Variants in ULK4 observed in about 807,000 individuals in gnomAD.
ULK4 encodes the protein inactive serine/threonine-protein kinase ULK4.
ULK4 carries 133 observed loss-of-function variants against 160.6 expected under a neutral mutation model. The ratio of observed to expected loss-of-function variants is 0.83; its 90% confidence interval spans 0.72 to 0.96. The LOEUF (loss-of-function observed/expected upper bound fraction) is 0.96, where lower values mean the gene tolerates loss of function less well. Ranked by LOEUF, ULK4 falls within the 40% of genes least tolerant of loss-of-function variation. The probability of loss-of-function intolerance (pLI) is 0.00; values close to 1 mark genes in which losing one functional copy is unlikely to be tolerated. For synonymous variants in ULK4, 534 were observed against 539.8 expected (o/e 0.99, Z 0.15); for missense variants, 1,580 against 1,499.5 (o/e 1.05, Z -0.89).
chr3:41,822,429 G>C (rs1425244159), intron 18 of ULK4, among the ~76,000 whole-genome samples: 1 of 151,988 alleles, frequency 6.6e-6, no homozygotes. Flanking sequence ...GTTTCGTTTT[G>C]TTTTTGATAC....
chr3:41,623,557 TTTGTGACGATAAGGATGAA>T (rs1300367517), intron 30 of ULK4, among the ~76,000 whole-genome samples: 2 of 152,134 alleles, frequency 1.3e-5, no homozygotes, highest in African/African-American at 4.8e-5. Flanking sequence ...GAAACTCTCA[TTTGTGACGATAAGGATGAA>T]TTATCCTAAG....
rs576450599 is a variant in ULK4 at position 41,464,633 on chromosome 3, C to T, written c.3227-1380G>A. 3.9e-5 allele frequency among the ~76,000 whole-genome samples: 6 copies of T among 152,298 alleles called. No individual in the cohort carries two copies. The South Asian group carries it at 1.0e-3, about 26-fold the overall frequency. ...TGAATCAGCACTTGGCATCTGTGAG[C>T]TGTAGATAGAAGGGCTTGAAAACAT... On this transcript the variant is annotated intron_variant, in intron 32 of 36. Coordinates refer to ENST00000301831, the MANE Select transcript of ULK4 (RefSeq NM_017886.4).
chr3:41,606,036 T>C (rs1171978422), intron 31 of ULK4, among the ~76,000 whole-genome samples: 3 of 152,072 alleles, frequency 2.0e-5, no homozygotes, highest in African/African-American at 4.8e-5. Flanking sequence ...TTTGAAATTA[T>C]GTTGAACTAA....
chr3:41,339,864 G>A (rs2080644733), intron 35 of ULK4, among the ~76,000 whole-genome samples: 1 of 152,182 alleles, frequency 6.6e-6, no homozygotes, highest in South Asian at 2.1e-4. Context: ...GGGCAGTAGG[G>A]ATGGTAATGT....
Position 41,802,497 on chromosome 3 carries a change from C to T in ULK4, c.1849-2204G>A, listed in dbSNP as rs74927080. Among the ~76,000 whole-genome samples, 443 of 152,224 alleles carry T rather than the reference C, an allele frequency of 2.9e-3. 15 individuals are homozygous for T. In the East Asian group the frequency reaches 0.075, roughly 26 times the overall value. Reference sequence around the variant, plus strand: ...ATTTTTTAACAGAGATGAGGTCTCACTCTGTTGCCCAGGCTGAACTCGAAC... The same window carrying T: ...ATTTTTTAACAGAGATGAGGTCTCATTCTGTTGCCCAGGCTGAACTCGAAC... On this transcript the variant is annotated intron_variant, in intron 19 of 36. Transcript: ENST00000301831.
At chr3:41,532,154 T>C (rs2086341776) in intron 32 of ULK4, among the ~76,000 whole-genome samples, 1 of 152,234 alleles carries the variant, frequency 6.6e-6, no homozygotes, top group South Asian at 2.1e-4. Context: ...CAAGCTCTGC[T>C]GATTTTTCTT....
At position 41,663,501 on chromosome 3, in the gene ULK4, C is replaced by G; in HGVS notation, c.3071+106G>C. The G allele has an allele frequency of 7.4e-6, 8 of 1,074,374 alleles. No individual in the cohort carries two copies. The South Asian group carries it at 1.1e-4, about 15-fold the overall frequency. 66.6% of individuals were successfully genotyped at this position (1,074,374 alleles called of 1,614,324 possible). ...CTTAAAAAAATGACGATTTTGACAA[C>G]TCAAACATTAGTCTTTTGGAATCTC... On this transcript the variant is annotated intron_variant, in intron 30 of 36. Transcript: ENST00000301831.
At chr3:41,815,710 C>T (rs1001111248) in intron 19 of ULK4, among the ~76,000 whole-genome samples, 3 of 152,150 alleles carry the variant, frequency 2.0e-5, no homozygotes, top group African/African-American at 7.2e-5. Context: ...GTTGTAGGCA[C>T]TGGGGGCTCC....
chr3:41,602,232 A>G (rs1000317797), intron 31 of ULK4, among the ~76,000 whole-genome samples: 9 of 149,534 alleles, frequency 6.0e-5, no homozygotes, highest in African/African-American at 2.0e-4. Context: ...AAGAAAGGAA[A>G]GGAAAGGGAA....
chr3:41,306,129 G>T (rs1413320025), intron 35 of ULK4, among the ~76,000 whole-genome samples: 8 of 33,782 alleles, frequency 2.4e-4, no homozygotes, highest in African/African-American at 1.0e-3. Flanking sequence ...GGAGGGAGGT[G>T]GGGGGGGGGG....
intron 16 of ULK4, among the ~76,000 whole-genome samples, chr3:41,888,124 T>A (rs1697794690): frequency 2.0e-5 from 3 of 151,422 alleles, no homozygotes; most frequent in African/African-American, 7.3e-5. Flanking sequence ...AAAATAATAA[T>A]AAAATAAATA....
At chr3:41,338,102 C>T (rs149950355) in intron 35 of ULK4, among the ~76,000 whole-genome samples, 184 of 152,322 alleles carry the variant, frequency 1.2e-3, no homozygotes, top group African/African-American at 4.2e-3. Flanking sequence ...GCAAAGAGAG[C>T]CTTTCAGAGA....
chr3:41,953,575 T>A (rs1700375195), intron 2 of ULK4, among the ~76,000 whole-genome samples: 1 of 151,450 alleles, frequency 6.6e-6, no homozygotes, highest in Non-Finnish European at 1.5e-5. Context: ...AGCTTAAAAA[T>A]ATATATATTT....
At chr3:41,366,160 C>A (rs139471800) in intron 35 of ULK4, among the ~76,000 whole-genome samples, 36 of 152,288 alleles carry the variant, frequency 2.4e-4, no homozygotes, top group Non-Finnish European at 4.3e-4. Context: ...CTCCCCATAG[C>A]AGACAGCCCT....
chr3:41,438,515 T>C (rs1017591476), intron 34 of ULK4, among the ~76,000 whole-genome samples: 4 of 152,046 alleles, frequency 2.6e-5, no homozygotes, highest in African/African-American at 9.7e-5. Flanking sequence ...TCCCCATGGG[T>C]CAGGAATGGA....
At chr3:41,267,023 G>C (rs1016840738) in intron 35 of ULK4, among the ~76,000 whole-genome samples, 7 of 144,838 alleles carry the variant, frequency 4.8e-5, no homozygotes, top group African/African-American at 1.3e-4. Flanking sequence ...TCTATTGGGG[G>C]GGGGGGGTTT....
At chr3:41,654,229 G>C (rs1458276952) in intron 30 of ULK4, among the ~76,000 whole-genome samples, 1 of 152,148 alleles carries the variant, frequency 6.6e-6, no homozygotes, top group Non-Finnish European at 1.5e-5. Flanking sequence ...ATAAATTGTG[G>C]ATTTCTCTAG....
intron 21 of ULK4, among the ~76,000 whole-genome samples, chr3:41,757,916 C>T (rs1414470532): frequency 6.6e-6 from 1 of 152,076 alleles, no homozygotes; most frequent in Admixed American, 6.5e-5. Flanking sequence ...CGTGAGCCAC[C>T]ATGCCTGGCC....
At chr3:41,867,059 T>C (rs1256474188) in intron 17 of ULK4, among the ~76,000 whole-genome samples, 1 of 152,212 alleles carries the variant, frequency 6.6e-6, no homozygotes, top group East Asian at 1.9e-4. Flanking sequence ...TTTGGTTTCA[T>C]CTCTTTTATT....
Sources: allele counts gnomAD v4.1 joint callset (sites outside exome capture counted in the v4.1 genomes callset), GRCh38; gene constraint gnomAD v4.1.1; transcripts MANE v1.5; gene names NCBI Gene and HGNC (gene_info 2026-07-23, HGNC 2026-07-21).